Variants in SLC38A10 observed in about 807,000 individuals in gnomAD.
SLC38A10 encodes Sodium-coupled neutral amino acid transporter 10.
SLC38A10 carries 53 observed loss-of-function variants against 81.0 expected under a neutral mutation model. The ratio of observed to expected loss-of-function variants is 0.65; its 90% confidence interval spans 0.53 to 0.82. SLC38A10 has a LOEUF of 0.82. Ranked by LOEUF, SLC38A10 falls within the 40% of genes least tolerant of loss-of-function variation. SLC38A10 has a pLI of 0.00. For synonymous variants in SLC38A10, 665 were observed against 655.3 expected (o/e 1.01, Z -0.23); for missense variants, 1,471 against 1,545.0 (o/e 0.95, Z 0.80).
Position 81,252,430 on chromosome 17 carries a change from C to T in SLC38A10, c.1710G>A (p.Ala570=), listed in dbSNP as rs3803766. 9.9e-3 allele frequency: 15,965 copies of T among 1,613,252 alleles called. 122 individuals carry two copies. The highest frequency in any genetic ancestry group is 0.022 in the Admixed American group (1,301 of 60,028). The change falls in exon 13 of 16, where the codon GCG becomes GCA. Residue 570 remains alanine, a synonymous_variant. Coordinates refer to ENST00000374759, the MANE Select transcript of SLC38A10 (RefSeq NM_001037984.3). ...RPGQAQALEE[A]GDLPEDPQKV... ...TCTGGGGATCTTCAGGAAGATCACCCGCCTCCTCCAAGGCCTGGGCCTGTC... is the reference window on the plus strand; with the variant it reads ...TCTGGGGATCTTCAGGAAGATCACCTGCCTCCTCCAAGGCCTGGGCCTGTC...
At chr17:81,292,406 T>TG (rs988911006) in intron 1 of SLC38A10, among the ~76,000 whole-genome samples, 12 of 151,826 alleles carry the variant, frequency 7.9e-5, no homozygotes, top group African/African-American at 2.9e-4. Context: ...ATTACAGGCG[T>TG]GAGCCAACAC....
At position 81,290,972 on chromosome 17, in the gene SLC38A10, A is replaced by T. The variant is rs545038557; in HGVS notation, c.100-1164T>A. 2.6e-5 allele frequency among the ~76,000 whole-genome samples: 4 copies of T among 151,978 alleles called. No individual in the cohort carries two copies. The South Asian group carries it at 8.3e-4, about 32-fold the overall frequency. On this transcript the variant is annotated intron_variant, in intron 1 of 15. Transcript: ENST00000374759. ...AGTTGAGCCGAGATTGCGCCACTGC[A>T]CTCCAGCCTGGCGACCGAGCAAGAC... is the stretch of plus-strand genomic sequence containing the variant.
At chr17:81,252,730 T>G in intron 12 of SLC38A10, 47 bp from the exon 13 acceptor site, 2 of 1,532,334 alleles carry the variant, frequency 1.3e-6, no homozygotes, top group Non-Finnish European at 1.7e-6. Context: ...GGCCCCTCCT[T>G]CCCTTCCCAG....
chr17:81,247,674 A>AT (rs1217456809), intron 14 of SLC38A10: 6 of 151,448 alleles, frequency 4.0e-5, no homozygotes, highest in African/African-American at 1.2e-4. Flanking sequence ...AAAAACAAAA[A>AT]AAACAAAAAA....
At chr17:81,274,155 C>T (rs550598294) in intron 8 of SLC38A10, among the ~76,000 whole-genome samples, 1 of 152,358 alleles carries the variant, frequency 6.6e-6, no homozygotes, top group Non-Finnish European at 1.5e-5. Flanking sequence ...CGCGGAGGGA[C>T]CCCACGGCCA....
chr17:81,290,765 T>C (rs1012106316), intron 1 of SLC38A10, among the ~76,000 whole-genome samples: 1 of 152,142 alleles, frequency 6.6e-6, no homozygotes, highest in African/African-American at 2.4e-5. Context: ...CCCAGCACTT[T>C]GGGAGGCCGA....
At chr17:81,250,243 C>T (rs560100142) in intron 14 of SLC38A10, 22 of 825,268 alleles carry the variant, frequency 2.7e-5, no homozygotes, top group African/African-American at 2.4e-4. Flanking sequence ...AGACTAAAAC[C>T]GGAGACAAAA....
rs2063163036 is a variant in SLC38A10 at position 81,276,410 on chromosome 17, G to C, written c.730-259C>G. 6.7e-6 allele frequency among the ~76,000 whole-genome samples: 1 copy of C among 149,258 alleles called. No homozygotes were observed. Among genetic ancestry groups the C allele is most frequent in the Non-Finnish European group, 1.5e-5 (1 of 67,436 alleles). On this transcript the variant is annotated intron_variant, in intron 7 of 15. Transcript: ENST00000374759. The surrounding 1 kb of genome is among the most constrained non-coding windows in gnomAD (Gnocchi z 4.7). ...TTTCTTTTTTTTTTTTTTTGAGACG[G>C]GGTCTCCCTCTGTAGACCAGGCTGG...
intron 1 of SLC38A10, among the ~76,000 whole-genome samples, chr17:81,292,096 ATATC>A (rs1473653617): frequency 6.6e-6 from 1 of 151,924 alleles, no homozygotes; most frequent in Non-Finnish European, 1.5e-5. Context: ...ATATAGATCT[ATATC>A]TATATCTATC....
intron 11 of SLC38A10, among the ~76,000 whole-genome samples, chr17:81,257,130 CTTTTT>C (rs1240432847): frequency 6.6e-6 from 1 of 152,104 alleles, no homozygotes; most frequent in Non-Finnish European, 1.5e-5. Context: ...AGAAAGTTTT[CTTTTT>C]AAGAGACAGG....
intron 9 of SLC38A10, 35 bp from the exon 10 acceptor site, chr17:81,271,059 G>A (rs1176687991): frequency 1.3e-6 from 2 of 1,569,514 alleles, no homozygotes; most frequent in African/African-American, 2.7e-5. Context: ...GGATGAGTGG[G>A]GAAGGGCTCT....
At chr17:81,254,149 C>T (rs2062951256) in intron 11 of SLC38A10, among the ~76,000 whole-genome samples, 1 of 152,240 alleles carries the variant, frequency 6.6e-6, no homozygotes, top group Non-Finnish European at 1.5e-5. Flanking sequence ...ACAGGCGCTG[C>T]AGCCGAGGGG....
intron 1 of SLC38A10, among the ~76,000 whole-genome samples, chr17:81,291,754 A>G (rs1009982826): frequency 1.3e-5 from 2 of 152,180 alleles, no homozygotes; most frequent in Non-Finnish European, 2.9e-5. Flanking sequence ...AGAGCTCCCA[A>G]TAGGAGACAC....
rs1246245990 is a variant in SLC38A10, at chr17:81,276,690, G to T, written c.729+341C>A. Among the ~76,000 whole-genome samples the T allele has an allele frequency of 6.6e-6, 1 of 151,992 alleles. No individual in the cohort carries two copies. Among genetic ancestry groups the T allele is most frequent in the East Asian group, 1.9e-4 (1 of 5,146 alleles). ...CAGGTGTGAGCAACGGCGCCCGGCC[G>T]GAACATGCCCATTTCTACAGAGAAT... is the stretch of plus-strand genomic sequence containing the variant. On this transcript the variant is annotated intron_variant, in intron 7 of 15. Transcript: ENST00000374759. This position sits in a 1 kb window ranked among gnomAD's most constrained non-coding sequence, Gnocchi z 4.7.
intron 11 of SLC38A10, among the ~76,000 whole-genome samples, chr17:81,259,972 T>A (rs1281274333): frequency 6.6e-6 from 1 of 152,070 alleles, no homozygotes; most frequent in Non-Finnish European, 1.5e-5. Context: ...GTGGCAGGCA[T>A]CCAGGCCAGC....
intron 8 of SLC38A10, among the ~76,000 whole-genome samples, chr17:81,273,293 C>T (rs896532675): frequency 3.9e-5 from 6 of 152,288 alleles, no homozygotes; most frequent in South Asian, 2.1e-4. Context: ...CGCCACCTGC[C>T]CCAGGACCCC....
intron 1 of SLC38A10, among the ~76,000 whole-genome samples, chr17:81,290,633 A>G (rs1253392195): frequency 1.3e-5 from 2 of 152,170 alleles, no homozygotes; most frequent in African/African-American, 4.8e-5. Context: ...AAAGGGGCAC[A>G]TGGGGACCCT....
chr17:81,268,445 GC>G (rs2063088160), intron 10 of SLC38A10, among the ~76,000 whole-genome samples: 1 of 148,526 alleles, frequency 6.7e-6, no homozygotes, highest in Admixed American at 6.8e-5. Flanking sequence ...TTGCTCTGTT[GC>G]CCAGGCTGGA....
intron 10 of SLC38A10, among the ~76,000 whole-genome samples, chr17:81,262,334 G>C (rs2063031617): frequency 6.6e-6 from 1 of 152,204 alleles, no homozygotes; most frequent in Admixed American, 6.5e-5. Flanking sequence ...GCTACCTGGG[G>C]TAAAGGGTCC....
Sources: allele counts gnomAD v4.1 joint callset (sites outside exome capture counted in the v4.1 genomes callset), GRCh38; gene constraint gnomAD v4.1.1; non-coding constraint Gnocchi (gnomAD v3.1); transcripts MANE v1.5; gene names NCBI Gene and HGNC (gene_info 2026-07-23, HGNC 2026-07-21).